RBFOX1: variants seen among roughly 807,000 people sequenced by gnomAD.
RBFOX1 encodes RNA binding fox-1 homolog 1.
RBFOX1 carries 8 observed loss-of-function variants against 57.7 expected under a neutral mutation model. The ratio of observed to expected loss-of-function variants is 0.14; its 90% CI spans 0.08 to 0.25. The LOEUF (loss-of-function observed/expected upper bound fraction) is 0.25, where lower values mean the gene tolerates loss of function less well. RBFOX1 is among the 10% of genes least tolerant of loss of function. The pLI is 1.00. For synonymous variants in RBFOX1, 326 were observed against 222.4 expected (o/e 1.47, Z -4.15); for missense variants, 611 against 548.5 (o/e 1.11, Z -1.14).
chr16:5,934,273 C>T (rs547013960), intron 4 of RBFOX1, among the ~76,000 whole-genome samples: 1 of 152,388 alleles, frequency 6.6e-6, no homozygotes, highest in South Asian at 2.1e-4. Context: ...CCCAGCTTCC[C>T]TTTACTACAA....
intron 3 of RBFOX1, among the ~76,000 whole-genome samples, chr16:5,617,506 G>C (rs538583277): frequency 6.6e-6 from 1 of 152,260 alleles, no homozygotes; most frequent in South Asian, 2.1e-4. Context: ...CTCCTTTAAG[G>C]GTGTCCTGTA....
chr16:6,210,243 A>G (rs1397128732), intron 1 of RBFOX1, among the ~76,000 whole-genome samples: 2 of 150,250 alleles, frequency 1.3e-5, no homozygotes, highest in African/African-American at 4.9e-5. Flanking sequence ...AACTGCACCC[A>G]GGAGGTAGAA....
In RBFOX1 at chr16:7,399,724, A is replaced by T. The variant is rs955456080; in HGVS notation, c.28-118423A>T. Among the ~76,000 whole-genome samples, 3 of 80,132 alleles carry T rather than the reference A, an allele frequency of 3.7e-5. No individual in the cohort carries two copies. The East Asian group carries it at 9.7e-4, about 26-fold the overall frequency. The allele number at this position is 80,132 out of a possible 152,430, so 52.6% of individuals were successfully genotyped here. ...TTAGGGCTCACTTAAGTTTAAGATGACCCCATATCAAGATCTTTTAACTTG... is the reference window on the plus strand; with the variant it reads ...TTAGGGCTCACTTAAGTTTAAGATGTCCCCATATCAAGATCTTTTAACTTG... On this transcript the variant is annotated intron_variant, in intron 4 of 15. Coordinates refer to ENST00000550418, the MANE Select transcript of RBFOX1 (RefSeq NM_018723.4).
chr16:6,026,367 C>T (rs1216497595), intron 1 of RBFOX1, among the ~76,000 whole-genome samples: 1 of 152,158 alleles, frequency 6.6e-6, no homozygotes, highest in African/African-American at 2.4e-5. Flanking sequence ...TTTTCAGATC[C>T]CCATTTTGCA....
chr16:6,370,161 G>A (rs536569142), intron 2 of RBFOX1, among the ~76,000 whole-genome samples: 20 of 151,818 alleles, frequency 1.3e-4, no homozygotes, highest in African/African-American at 3.9e-4. Context: ...GATCGAGACC[G>A]TCCTGGCTAA....
chr16:6,605,218 C>T (rs9923674), intron 2 of RBFOX1, among the ~76,000 whole-genome samples: 5,395 of 151,952 alleles, frequency 0.036, 308 homozygotes, highest in African/African-American at 0.11. Context: ...GGTGACAGAG[C>T]AAGACCCTCT....
intron 5 of RBFOX1, among the ~76,000 whole-genome samples, chr16:7,562,862 T>A (rs1162824835): frequency 6.6e-6 from 1 of 152,170 alleles, no homozygotes; most frequent in Non-Finnish European, 1.5e-5. Flanking sequence ...CACAGATGTG[T>A]AGCAAGAGGA....
chr16:5,929,423 A>G (rs1232127211), intron 4 of RBFOX1, among the ~76,000 whole-genome samples: 1 of 152,108 alleles, frequency 6.6e-6, no homozygotes, highest in Non-Finnish European at 1.5e-5. Context: ...AATTCTAGCT[A>G]TGTGACGTTG....
intron 1 of RBFOX1, among the ~76,000 whole-genome samples, chr16:6,093,976 G>A (rs753374848): frequency 1.3e-5 from 2 of 152,070 alleles, no homozygotes; most frequent in South Asian, 2.1e-4. Flanking sequence ...GCTGGCTTTC[G>A]CAAAAGAGAA....
At position 6,867,615 on chromosome 16, in the gene RBFOX1, A is replaced by T. The variant is rs570303096; in HGVS notation, c.-15-184442A>T. On this transcript the variant is annotated intron_variant, in intron 3 of 15. Coordinates refer to ENST00000550418, the MANE Select transcript of RBFOX1 (RefSeq NM_018723.4). The stretch of plus-strand genomic sequence containing the variant: ...CGGCCTGTAATCCCAGCTACTTGGG[A>T]GGCTCAGGCAGCAGGATCGCTTGAA... 4.6e-5 allele frequency among the ~76,000 whole-genome samples: 7 copies of T among 152,258 alleles called. No individual in the cohort carries two copies. In the East Asian group the frequency reaches 1.4e-3, roughly 29 times the overall value.
At chr16:5,884,774 G>T (rs1220909048) in intron 4 of RBFOX1, among the ~76,000 whole-genome samples, 1 of 152,092 alleles carries the variant, frequency 6.6e-6, no homozygotes, top group Non-Finnish European at 1.5e-5. Flanking sequence ...CTGATGGTGG[G>T]TAGATGGTGT....
At chr16:5,939,768 A>T (rs2059243202) in intron 4 of RBFOX1, among the ~76,000 whole-genome samples, 1 of 152,202 alleles carries the variant, frequency 6.6e-6, no homozygotes, top group Non-Finnish European at 1.5e-5. Context: ...ATAGAGCCTC[A>T]CATAGATAAT....
Position 6,126,064 on chromosome 16 carries a change from T to A in RBFOX1, c.-127+106072T>A, listed in dbSNP as rs77562640. 1.2e-3 allele frequency among the ~76,000 whole-genome samples: 189 copies of A among 152,304 alleles called. 1 individual carries two copies. In the East Asian group the frequency reaches 0.028, roughly 23 times the overall value. On this transcript the variant is annotated intron_variant, in intron 1 of 15. Transcript: ENST00000550418. Reference sequence around the variant, plus strand: ...TTCCTATGACAAATGAGAAAAGAATTCTGTGATTCATTGAACAGTCAGATT... The same window carrying A: ...TTCCTATGACAAATGAGAAAAGAATACTGTGATTCATTGAACAGTCAGATT...
At chr16:5,682,836 G>C (rs1478307429) in intron 3 of RBFOX1, among the ~76,000 whole-genome samples, 1 of 152,120 alleles carries the variant, frequency 6.6e-6, no homozygotes, top group Non-Finnish European at 1.5e-5. Context: ...GAAATGTATT[G>C]CTACTTTCTC....
intron 5 of RBFOX1, among the ~76,000 whole-genome samples, chr16:7,550,779 C>G (rs896006192): frequency 2.6e-5 from 4 of 152,078 alleles, no homozygotes; most frequent in African/African-American, 9.7e-5. Context: ...CAATGACTAC[C>G]TGTCTTCACC....
chr16:7,373,570 T>G (rs900296911), intron 4 of RBFOX1, among the ~76,000 whole-genome samples: 5 of 152,108 alleles, frequency 3.3e-5, no homozygotes, highest in Non-Finnish European at 5.9e-5. Flanking sequence ...GGGCAAGCCT[T>G]TATCTTTAAT....
At chr16:7,385,591 A>G (rs1050765247) in intron 4 of RBFOX1, among the ~76,000 whole-genome samples, 4 of 152,142 alleles carry the variant, frequency 2.6e-5, no homozygotes, top group Admixed American at 6.5e-5. Context: ...GCCAAGATGG[A>G]AGATAGATTA....
At chr16:6,877,553 T>G (rs1026253887) in intron 3 of RBFOX1, among the ~76,000 whole-genome samples, 1 of 152,124 alleles carries the variant, frequency 6.6e-6, no homozygotes, top group Non-Finnish European at 1.5e-5. Context: ...CGGAACAACT[T>G]CTGAATTCAC....
chr16:7,103,366 G>C (rs576165677), intron 4 of RBFOX1, among the ~76,000 whole-genome samples: 1 of 152,290 alleles, frequency 6.6e-6, no homozygotes, highest in African/African-American at 2.4e-5. Flanking sequence ...CCTGATGCTG[G>C]AATAAAATAG....
Sources: allele counts gnomAD v4.1 joint callset (sites outside exome capture counted in the v4.1 genomes callset), GRCh38; gene constraint gnomAD v4.1.1; transcripts MANE v1.5; gene names NCBI Gene and HGNC (gene_info 2026-07-23, HGNC 2026-07-21).